Variants in LRCH2 observed in about 807,000 individuals in gnomAD.
LRCH2 encodes leucine-rich repeat and calponin homology domain-containing protein 2.
A neutral mutation model predicts 68.9 loss-of-function variants in LRCH2; 38 were observed. The ratio of observed to expected loss-of-function variants is 0.55; its 90% confidence interval spans 0.43 to 0.72. The LOEUF (loss-of-function observed/expected upper bound fraction) is 0.72, where lower values mean the gene tolerates loss of function less well. Ranked by LOEUF, LRCH2 falls within the 30% of genes least tolerant of loss-of-function variation. The pLI is 0.00. For missense variants in LRCH2, 528 were observed against 572.9 expected, an observed-to-expected ratio of 0.92 and a Z score of 0.80; for synonymous variants, 191 against 208.1, an observed-to-expected ratio of 0.92 and a Z score of 0.71.
intron 3 of LRCH2, among the ~76,000 whole-genome samples, chrX:115,180,813 A>T (rs1386256734): frequency 1.8e-5 from 2 of 112,164 alleles, no homozygotes; most frequent in African/African-American, 6.5e-5. Flanking sequence ...TTTGTTGAAT[A>T]CTATTAACAT....
At chrX:115,216,658 G>A (rs1329822953) in intron 1 of LRCH2, among the ~76,000 whole-genome samples, 3 of 112,037 alleles carry the variant, frequency 2.7e-5, no homozygotes, top group African/African-American at 6.5e-5. Context: ...TATATTGTTA[G>A]TGAGAATGTA....
At chrX:115,229,147 A>T (rs2073137616) in intron 1 of LRCH2, among the ~76,000 whole-genome samples, 1 of 111,940 alleles carries the variant, frequency 8.9e-6, no homozygotes, top group East Asian at 2.8e-4. Flanking sequence ...ACAAACAAAA[A>T]GTATATAACC....
At chrX:115,139,492 T>C (rs1004889098) in intron 14 of LRCH2, among the ~76,000 whole-genome samples, 1 of 112,112 alleles carries the variant, frequency 8.9e-6, no homozygotes, top group East Asian at 2.8e-4. Flanking sequence ...ATTTAGAAAT[T>C]CACCTGTGGC....
chrX:115,163,696 C>T lies in LRCH2; in HGVS notation c.1443G>A (p.Leu481=). ...AATACCTGTTCTTCTGTTCTTGCTG[C>T]AATAACTGAGCAGCTATTTTCCTCA... is the stretch of plus-strand genomic sequence containing the variant. ...TDLRKIAAQL[L]QQEQKNRILN... The change falls in exon 11 of 21, where the codon TTG becomes TTA. Residue 481 remains leucine, a synonymous_variant. Coordinates refer to ENST00000317135, the MANE Select transcript of LRCH2 (RefSeq NM_020871.4). 8.4e-7 allele frequency: 1 copy of T among 1,195,240 alleles called. No individual in the cohort carries two copies. The highest frequency in any genetic ancestry group is 1.1e-6 in the Non-Finnish European group (1 of 884,860).
chrX:115,166,562 A>G lies in LRCH2; in HGVS notation c.999-220T>C, dbSNP rs187791527. 2.2e-3 allele frequency among the ~76,000 whole-genome samples: 243 copies of G among 111,101 alleles called. 1 individual carries two copies. The highest frequency in any genetic ancestry group is 7.6e-3 in the African/African-American group (233 of 30,769). On this transcript the variant is annotated intron_variant, in intron 6 of 20. Coordinates refer to ENST00000317135, the MANE Select transcript of LRCH2 (RefSeq NM_020871.4). ...TCCCTTCGTGTACTCTATAGTGTCA[A>G]TTGTCAACAATAACCTATTATTTCT...
chrX:115,202,590 G>C (rs2147345078), intron 1 of LRCH2, among the ~76,000 whole-genome samples: 1 of 112,017 alleles, frequency 8.9e-6, no homozygotes, highest in East Asian at 2.8e-4. Context: ...AGATAAATAT[G>C]GTCTTAATTC....
intron 1 of LRCH2, chrX:115,191,073 C>T: frequency 1.7e-6 from 2 of 1,165,616 alleles, no homozygotes; most frequent in Non-Finnish European, 2.3e-6. Context: ...ACGGCCAGAG[C>T]CACCGCTATG....
Position 115,189,754 on chromosome X carries a change from T to C in LRCH2, c.350-1384A>G, listed in dbSNP as rs782096253. The C allele has an allele frequency of 1.1e-5, 13 of 1,165,678 alleles. No homozygotes were observed. The Admixed American group carries it at 3.1e-4, about 28-fold the overall frequency. On this transcript the variant is annotated intron_variant, in intron 1 of 20. Transcript: ENST00000317135. ...GCCAACCCCCGGCAGCGGCAGTCGC[T>C]CAAGGTTCTCACACAGAACCCGTGG...
intron 1 of LRCH2, among the ~76,000 whole-genome samples, chrX:115,198,033 CTTTTT>C (rs55636329): frequency 6.2e-5 from 5 of 80,283 alleles, no homozygotes; most frequent in African/African-American, 1.9e-4. Context: ...AAAGCTTTTT[CTTTTT>C]TTTTTTTTTT....
In LRCH2 at chrX:115,124,015, T is replaced by A. The variant is rs1556526829; in HGVS notation, c.1792-13A>T. ...TTCTGTCATATTCCTAAAAAAAAATTAAAAAGTTAAAAATAAATAAATAAT... is the reference window on the plus strand; with the variant it reads ...TTCTGTCATATTCCTAAAAAAAAATAAAAAAGTTAAAAATAAATAAATAAT... On this transcript the variant is annotated splice_polypyrimidine_tract_variant and intron_variant, in intron 16 of 20. Transcript: ENST00000317135. 6 of 946,010 alleles carry A rather than the reference T, an allele frequency of 6.3e-6. No homozygotes were observed. The Admixed American group carries it at 1.1e-4, about 18-fold the overall frequency. 78.0% of individuals were successfully genotyped at this position (946,010 alleles called of 1,213,427 possible). A position where few individuals can be genotyped will look rare whatever the true frequency, so the allele number is the denominator to read the frequency against.
intron 1 of LRCH2, among the ~76,000 whole-genome samples, chrX:115,230,614 C>A (rs1556578176): frequency 2.7e-5 from 3 of 111,408 alleles, no homozygotes. Flanking sequence ...TCATAGGAAG[C>A]CTGTTAGCAG....
chrX:115,183,070 G>GCACA (rs782061488), intron 3 of LRCH2, among the ~76,000 whole-genome samples: 19 of 106,246 alleles, frequency 1.8e-4, no homozygotes, highest in African/African-American at 3.4e-4. Flanking sequence ...GCACGCACAC[G>GCACA]CACACACACA....
chrX:115,157,755 A>AT (rs1170068400), intron 11 of LRCH2, among the ~76,000 whole-genome samples: 8 of 109,370 alleles, frequency 7.3e-5, no homozygotes, highest in African/African-American at 9.9e-5. Context: ...TAAAAGAGTG[A>AT]TTTTTTTTTA....
At chrX:115,190,801 G>A in intron 1 of LRCH2, 1 of 1,155,491 alleles carries the variant, frequency 8.7e-7, no homozygotes, top group Non-Finnish European at 1.2e-6. Context: ...CGCCTACAGT[G>A]GGGGCCATGA....
intron 1 of LRCH2, among the ~76,000 whole-genome samples, chrX:115,209,313 G>C (rs1455596002): frequency 8.9e-6 from 1 of 112,029 alleles, no homozygotes; most frequent in Non-Finnish European, 1.9e-5. Flanking sequence ...TGTTGTGGGA[G>C]GGACCTGGTG....
chrX:115,178,647 G>A (rs1556551599), intron 5 of LRCH2, among the ~76,000 whole-genome samples: 1 of 111,583 alleles, frequency 9.0e-6, no homozygotes, highest in Admixed American at 9.6e-5. Flanking sequence ...TTCTGCTAAG[G>A]TTGCTACCAC....
chrX:115,221,804 G>A (rs781980557), intron 1 of LRCH2, among the ~76,000 whole-genome samples: 1 of 110,427 alleles, frequency 9.1e-6, no homozygotes, highest in Non-Finnish European at 1.9e-5. Flanking sequence ...AAATCACAGC[G>A]GCTATAATAG....
chrX:115,233,647 G>T, intron 1 of LRCH2, 46 bp downstream of exon 1: 8 of 1,087,639 alleles, frequency 7.4e-6, no homozygotes, highest in Non-Finnish European at 9.7e-6. Flanking sequence ...CCCACTCCCC[G>T]CACCTCCTCC....
intron 1 of LRCH2, among the ~76,000 whole-genome samples, chrX:115,215,962 T>G: frequency 9.0e-6 from 1 of 111,080 alleles, no homozygotes; most frequent in African/African-American, 3.3e-5. Flanking sequence ...TCATAATAAT[T>G]GATCCAATAA....
Sources: allele counts gnomAD v4.1 joint callset (sites outside exome capture counted in the v4.1 genomes callset), GRCh38; gene constraint gnomAD v4.1.1; transcripts MANE v1.5; gene names NCBI Gene and HGNC (gene_info 2026-07-23, HGNC 2026-07-21).